Variants in HIRA observed in about 807,000 individuals in gnomAD.
The protein encoded by HIRA is protein HIRA.
HIRA carries 13 observed loss-of-function variants against 126.6 expected under a neutral mutation model. That is an observed-to-expected ratio of 0.10 (90% CI 0.07 to 0.16). The LOEUF (loss-of-function observed/expected upper bound fraction) is 0.16, where lower values mean the gene tolerates loss of function less well. HIRA is among the 10% of genes least tolerant of loss of function. The probability of loss-of-function intolerance (pLI) is 1.00; values close to 1 mark genes in which losing one functional copy is unlikely to be tolerated. For missense variants in HIRA, 834 were observed against 1,314.4 expected (o/e 0.63, Z 5.65); for synonymous variants, 511 against 520.0 (o/e 0.98, Z 0.24).
Position 19,351,564 on chromosome 22 carries a change from A to C in HIRA, c.2849-118T>G. On this transcript the variant is annotated intron_variant, in intron 23 of 24. Coordinates refer to ENST00000263208, the MANE Select transcript of HIRA (RefSeq NM_003325.4). This position sits in a 1 kb window ranked among gnomAD's most constrained non-coding sequence, Gnocchi z 4.8. ...TTGTGTCTATCAAATCAGAATAAACACATGCGTATTTTATTGCCTACTATG... is the reference window on the plus strand; with the variant it reads ...TTGTGTCTATCAAATCAGAATAAACCCATGCGTATTTTATTGCCTACTATG... 5 of 783,316 alleles carry C rather than the reference A, an allele frequency of 6.4e-6. No individual in the cohort carries two copies. The highest frequency in any genetic ancestry group is 1.0e-5 in the Non-Finnish European group (5 of 488,160). 48.5% of individuals were successfully genotyped at this position (783,316 alleles called of 1,614,324 possible).
Position 19,353,465 on chromosome 22 carries a change from C to G in HIRA, c.2739G>C (p.Glu913Asp), listed in dbSNP as rs1569292640. The change falls in exon 23 of 25, where the codon GAG (glutamate) becomes GAC (aspartate). Residue 913 changes from glutamate (E) to aspartate (D), a missense_variant. Around this residue, in one of 5 missense-constraint regions of HIRA, gnomAD observed 468 missense variants for 574.2 expected, o/e 0.82. Coordinates refer to ENST00000263208, the MANE Select transcript of HIRA (RefSeq NM_003325.4). ...LFSVPHVVQQ[E>D]TTLAYLENQV... ...GGTTCTCTAGGTAGGCCAGGGTGGT[C>G]TCTTGCTGCACCACATGAGGCACGG... 6.2e-7 allele frequency: 1 copy of G among 1,612,912 alleles called. No individual in the cohort carries two copies. The highest frequency in any genetic ancestry group is 2.2e-5 in the East Asian group (1 of 44,866).
At chr22:19,392,595 G>T (rs1426153253) in intron 8 of HIRA, among the ~76,000 whole-genome samples, 1 of 152,228 alleles carries the variant, frequency 6.6e-6, no homozygotes, top group Non-Finnish European at 1.5e-5. Flanking sequence ...CTGCAAGGGG[G>T]CTTCAGAAAC....
At chr22:19,405,731 C>T (rs2089302912) in intron 5 of HIRA, 55 bp downstream of exon 5, 1 of 1,251,576 alleles carries the variant, frequency 8.0e-7, no homozygotes. Flanking sequence ...GGCGGTGCTG[C>T]TGATCTGAGC....
At chr22:19,383,936 C>T (rs1304464556) in intron 12 of HIRA, among the ~76,000 whole-genome samples, 1 of 152,060 alleles carries the variant, frequency 6.6e-6, no homozygotes, top group East Asian at 1.9e-4. Flanking sequence ...TACCCTTTGG[C>T]TAATAACTCC....
At chr22:19,359,583 A>G (rs1459403738) in intron 17 of HIRA, 99 bp from the exon 18 acceptor site, 2 of 1,298,024 alleles carry the variant, frequency 1.5e-6, no homozygotes, top group Non-Finnish European at 1.0e-6. Context: ...CAGCAGCAGG[A>G]TACAGAGGCA....
intron 7 of HIRA, 53 bp downstream of exon 7, chr22:19,396,734 G>A: frequency 6.3e-7 from 1 of 1,589,754 alleles, no homozygotes; most frequent in Middle Eastern, 2.1e-4. Flanking sequence ...CAGAAGTCAG[G>A]AAGAGGCTGG....
intron 10 of HIRA, 114 bp from the exon 11 acceptor site, chr22:19,387,930 C>G (rs1442935074): frequency 1.6e-5 from 3 of 181,998 alleles, no homozygotes; most frequent in Non-Finnish European, 3.6e-5. Context: ...GCTGGAAACT[C>G]CTGGTTCCCT....
intron 9 of HIRA, 39 bp from the exon 10 acceptor site, chr22:19,388,593 GA>G: frequency 2.6e-6 from 4 of 1,523,708 alleles, no homozygotes; most frequent in Non-Finnish European, 3.6e-6. Context: ...TGAAATTACT[GA>G]AATCCCCTTC....
chr22:19,387,048 G>A lies in HIRA; in HGVS notation c.1113+663C>T, dbSNP rs551666294. Among the ~76,000 whole-genome samples the A allele has an allele frequency of 3.3e-5, 5 of 152,326 alleles. No individual in the cohort carries two copies. The South Asian group carries it at 1.0e-3, about 32-fold the overall frequency. On this transcript the variant is annotated intron_variant, in intron 11 of 24. Transcript: ENST00000263208. ...CACACAACCCACCAAGTGGGGGCAG[G>A]TTTCTAAGCCTCTGGTAGGTGAAGC... is the stretch of plus-strand genomic sequence containing the variant.
At chr22:19,417,553 C>T (rs747045486) in intron 1 of HIRA, among the ~76,000 whole-genome samples, 16 of 152,002 alleles carry the variant, frequency 1.1e-4, no homozygotes, top group African/African-American at 3.1e-4. Context: ...ACCTGGGAGG[C>T]GGAGGTTGCA....
chr22:19,340,841 GA>G (rs1181310370), intron 24 of HIRA, among the ~76,000 whole-genome samples: 7 of 152,128 alleles, frequency 4.6e-5, no homozygotes, highest in Non-Finnish European at 8.8e-5. Context: ...AAGAAAAACT[GA>G]AAAACTGATT....
chr22:19,375,531 C>T lies in HIRA; in HGVS notation c.1775+100G>A, dbSNP rs1041169985. The T allele has an allele frequency of 6.1e-6, 8 of 1,318,658 alleles. 1 individual carries two copies. Among genetic ancestry groups the T allele is most frequent in the African/African-American group, 2.9e-5 (2 of 68,898 alleles). The allele number at this position is 1,318,658 out of a possible 1,614,324, so 81.7% of individuals were successfully genotyped here. On this transcript the variant is annotated intron_variant, in intron 15 of 24. Transcript: ENST00000263208. ...TATTGAGTGGCTAGAGTCTTTTCCCCAACAGGAAGGCAGGTTGCTTGGTGG... is the reference window on the plus strand; with the variant it reads ...TATTGAGTGGCTAGAGTCTTTTCCCTAACAGGAAGGCAGGTTGCTTGGTGG...
chr22:19,340,716 AC>A (rs1335699606), intron 24 of HIRA, among the ~76,000 whole-genome samples: 1 of 152,242 alleles, frequency 6.6e-6, no homozygotes, highest in Non-Finnish European at 1.5e-5. Flanking sequence ...ACTGCTGTAT[AC>A]CAACAATGAC....
intron 24 of HIRA, among the ~76,000 whole-genome samples, chr22:19,349,344 C>G (rs1556010110): frequency 6.6e-6 from 1 of 152,096 alleles, no homozygotes; most frequent in African/African-American, 2.4e-5. Flanking sequence ...CTCAGGTGAT[C>G]CACCCATCTC....
intron 1 of HIRA, among the ~76,000 whole-genome samples, chr22:19,417,471 A>G (rs571354650): frequency 1.3e-5 from 2 of 151,918 alleles, no homozygotes; most frequent in African/African-American, 4.8e-5. Flanking sequence ...AAAATACAAA[A>G]ATTAGCTGGG....
At chr22:19,379,113 C>A (rs936426644) in intron 13 of HIRA, among the ~76,000 whole-genome samples, 1 of 151,614 alleles carries the variant, frequency 6.6e-6, no homozygotes, top group Non-Finnish European at 1.5e-5. Context: ...CTGCAAGCTC[C>A]GCCTCCCGGG....
At chr22:19,409,102 G>A (rs1017702399) in intron 2 of HIRA, among the ~76,000 whole-genome samples, 1 of 152,110 alleles carries the variant, frequency 6.6e-6, no homozygotes, top group South Asian at 2.1e-4. Flanking sequence ...TTCCAGAGCC[G>A]ACTGTTTTGA....
At chr22:19,394,782 C>T (rs1208543189) in intron 7 of HIRA, among the ~76,000 whole-genome samples, 1 of 152,164 alleles carries the variant, frequency 6.6e-6, no homozygotes, top group Non-Finnish European at 1.5e-5. Flanking sequence ...AGGAGATCTG[C>T]AGGAAGGCTA....
chr22:19,425,936 G>A (rs942807138), intron 1 of HIRA, among the ~76,000 whole-genome samples: 4 of 152,174 alleles, frequency 2.6e-5, no homozygotes, highest in East Asian at 3.9e-4. Flanking sequence ...ACTTGAACCC[G>A]GGAGGTGGAG....
Sources: allele counts gnomAD v4.1 joint callset (sites outside exome capture counted in the v4.1 genomes callset), GRCh38; gene constraint gnomAD v4.1.1; regional missense constraint gnomAD v4.1.1; non-coding constraint Gnocchi (gnomAD v3.1); transcripts MANE v1.5; gene names NCBI Gene and HGNC (gene_info 2026-07-23, HGNC 2026-07-21).